The following KMT2A variants were observed in gnomAD, a reference collection of about 807,000 sequenced individuals.
KMT2A encodes histone-lysine N-methyltransferase 2A.
A neutral mutation model predicts 345.3 loss-of-function variants in KMT2A; 16 were observed. That is an observed-to-expected ratio of 0.05 (90% CI 0.03 to 0.07). The LOEUF (loss-of-function observed/expected upper bound fraction) is 0.07. Ranked by LOEUF, KMT2A falls within the 10% of genes least tolerant of loss-of-function variation. The pLI, the probability that KMT2A is intolerant of heterozygous loss-of-function variation, is 1.00. For synonymous variants in KMT2A, 1,599 were observed against 1,778.6 expected, an observed-to-expected ratio of 0.90 and a Z score of 2.54; for missense variants, 3,272 against 4,841.6, an observed-to-expected ratio of 0.68 and a Z score of 9.62.
chr11:118,444,433 G>C (rs1461011002), intron 1 of KMT2A, among the ~76,000 whole-genome samples: 1 of 152,186 alleles, frequency 6.6e-6, no homozygotes, highest in Non-Finnish European at 1.5e-5. Flanking sequence ...CTTTACAGAA[G>C]AAAGGGAGAA....
rs1244231738 is a variant in KMT2A at position 118,521,158 on chromosome 11, C to G, written c.11514-130C>G. 2 of 1,075,836 alleles carry G rather than the reference C, an allele frequency of 1.9e-6. No homozygotes were observed. Among genetic ancestry groups the G allele is most frequent in the Admixed American group, 2.3e-5 (1 of 43,118 alleles). The allele number at this position is 1,075,836 out of a possible 1,614,324, so 66.6% of individuals were successfully genotyped here. ...GTTAGATGGCCAAATCAAGTGGGTC[C>G]AAATTTTTATTTTCTCAAGTATATG... On this transcript the variant is annotated intron_variant, in intron 34 of 35. Transcript: ENST00000534358. The surrounding 1 kb of genome is among the most constrained non-coding windows in gnomAD (Gnocchi z 5.3).
rs1210451804 is a variant in KMT2A at position 118,503,732 on chromosome 11, T to C, written c.7840T>C (p.Ser2614Pro). ...PDGPKPQEDG[S>P]FKRRYPRRSA... The stretch of plus-strand genomic sequence containing the variant: ...TGGCCCCAAACCTCAGGAGGATGGC[T>C]CTTTTAAAAGGAGGTATCCCCGTCG... The change falls in exon 27 of 36, where the codon TCT becomes CCT. Residue 2614 changes from serine (S) to proline (P), a missense_variant. By Grantham distance (74) the Ser-to-Pro change is moderately conservative. Around this residue, in one of 27 missense-constraint regions of KMT2A, gnomAD observed 445 missense variants for 500.9 expected, o/e 0.89. Coordinates refer to ENST00000534358, the MANE Select transcript of KMT2A (RefSeq NM_001197104.2). The surrounding 1 kb of genome is among the most constrained non-coding windows in gnomAD (Gnocchi z 5.3). The C allele has an allele frequency of 6.2e-7, 1 of 1,614,040 alleles. No individual in the cohort carries two copies. Among genetic ancestry groups the C allele is most frequent in the Non-Finnish European group, 8.5e-7 (1 of 1,180,038 alleles).
In KMT2A at chr11:118,502,512, G is replaced by C. The variant is rs782109378; in HGVS notation, c.6620G>C (p.Arg2207Pro). 6.2e-7 allele frequency: 1 copy of C among 1,613,880 alleles called. No homozygotes were observed. The highest frequency in any genetic ancestry group is 8.5e-7 in the Non-Finnish European group (1 of 1,179,980). Reference sequence around the variant, plus strand: ...AGTACCTCTTCCTTATCACCCCAGCGGTCCAAACTCCGGATAATGTCTCCA... The same window carrying C: ...AGTACCTCTTCCTTATCACCCCAGCCGTCCAAACTCCGGATAATGTCTCCA... Reference protein sequence around the residue: ...RHSTSSLSPQRSKLRIMSPMR... With the variant: ...RHSTSSLSPQPSKLRIMSPMR... Residue 2207 changes from arginine (R) to proline (P), a missense_variant, in exon 27 of 36, where the codon CGG becomes CCG. This residue lies in a region of KMT2A where 445 missense variants were observed against 500.9 expected (regional missense o/e 0.89). Coordinates refer to ENST00000534358, the MANE Select transcript of KMT2A (RefSeq NM_001197104.2). The surrounding 1 kb of genome is among the most constrained non-coding windows in gnomAD (Gnocchi z 4.9).
chr11:118,472,471 A>G lies in KMT2A; in HGVS notation c.1312A>G (p.Ile438Val), dbSNP rs1433994975. The change falls in exon 3 of 36, where the codon ATT (isoleucine) becomes GTT (valine). Residue 438 changes from isoleucine (I) to valine (V), a missense_variant. Coordinates refer to ENST00000534358, the MANE Select transcript of KMT2A (RefSeq NM_001197104.2). Reference protein sequence around the residue: ...FIEDEDYDPPIKIARLESTPN... With the variant: ...FIEDEDYDPPVKIARLESTPN... The stretch of plus-strand genomic sequence containing the variant: ...AGAGGATGAGGATTATGACCCTCCA[A>G]TTAAAATTGCCCGATTAGAGTCTAC... 6.2e-7 allele frequency: 1 copy of G among 1,613,794 alleles called. No homozygotes were observed. Among genetic ancestry groups the G allele is most frequent in the East Asian group, 2.2e-5 (1 of 44,886 alleles).
At chr11:118,462,034 A>G (rs1949753525) in intron 1 of KMT2A, among the ~76,000 whole-genome samples, 1 of 152,008 alleles carries the variant, frequency 6.6e-6, no homozygotes, top group South Asian at 2.1e-4. Context: ...GCTCAATGCA[A>G]CCTCTGCCTC....
intron 29 of KMT2A, 24 bp from the exon 30 acceptor site, chr11:118,509,924 C>T (rs782585584): frequency 6.4e-7 from 1 of 1,563,252 alleles, no homozygotes; most frequent in East Asian, 2.3e-5. Flanking sequence ...TTACTGCAAC[C>T]ACTATCTATT....
Position 118,476,781 on chromosome 11 carries a change from GT to G in KMT2A, c.3157-19del, listed in dbSNP as rs2134282031. 1 of 1,587,270 alleles carries G rather than the reference GT, an allele frequency of 6.3e-7. No individual in the cohort carries two copies. The highest frequency in any genetic ancestry group is 8.6e-7 in the Non-Finnish European group (1 of 1,161,702). ...AATTTCAACATGTATGGTTGTTATT[GT>G]TTTTGGATTGCCTCATATTCAGGGT... On this transcript the variant is annotated intron_variant, in intron 3 of 35. Coordinates refer to ENST00000534358, the MANE Select transcript of KMT2A (RefSeq NM_001197104.2). This position sits in a 1 kb window ranked among gnomAD's most constrained non-coding sequence, Gnocchi z 4.1.
chr11:118,451,476 C>G (rs1402772802), intron 1 of KMT2A, among the ~76,000 whole-genome samples: 1 of 152,176 alleles, frequency 6.6e-6, no homozygotes, highest in African/African-American at 2.4e-5. Flanking sequence ...CAACCTCCAC[C>G]TCCTGGGCTC....
chr11:118,516,153 C>T (rs902746554), intron 31 of KMT2A, among the ~76,000 whole-genome samples: 1 of 152,132 alleles, frequency 6.6e-6, no homozygotes, highest in African/African-American at 2.4e-5. Flanking sequence ...TGTCCTTACC[C>T]TCATGCCCTT....
Position 118,482,055 on chromosome 11 carries a change from T to A in KMT2A, c.3975T>A (p.Ser1325Arg), listed in dbSNP as rs1036766225. Residue 1325 changes from serine to arginine, a missense_variant, in exon 7 of 36, where the codon AGT becomes AGA. This residue lies in a region of KMT2A where 168 missense variants were observed against 216.0 expected (regional missense o/e 0.78). Coordinates refer to ENST00000534358, the MANE Select transcript of KMT2A (RefSeq NM_001197104.2). ...AAGAAGTTCCCAAAACCACTCCTAG[T>A]GAGCCCAAGAAAAAGCAGCCTCCAC... ...PRKEVPKTTP[S>R]EPKKKQPPPP... is the part of the protein sequence containing the mutation. 2 of 1,612,044 alleles carry A rather than the reference T, an allele frequency of 1.2e-6. No homozygotes were observed. The highest frequency in any genetic ancestry group is 1.7e-6 in the Non-Finnish European group (2 of 1,179,392).
rs1326806249 is a variant in KMT2A, at chr11:118,510,540, C to T, written c.11071+422C>T. Among the ~76,000 whole-genome samples the T allele has an allele frequency of 1.3e-5, 2 of 152,134 alleles. No homozygotes were observed. Among genetic ancestry groups the T allele is most frequent in the Admixed American group, 1.3e-4 (2 of 15,280 alleles). ...CCCTTCAAGATCCAGCTCAGACGGT[C>T]TTCCCTGACCTTCTGAGGTAGCTAA... On this transcript the variant is annotated intron_variant, in intron 30 of 35. Coordinates refer to ENST00000534358, the MANE Select transcript of KMT2A (RefSeq NM_001197104.2). The surrounding 1 kb of genome is among the most constrained non-coding windows in gnomAD (Gnocchi z 4.1).
chr11:118,484,823 A>G lies in KMT2A; in HGVS notation c.4219-39A>G. 1 of 1,340,504 alleles carries G rather than the reference A, an allele frequency of 7.5e-7. No homozygotes were observed. The highest frequency in any genetic ancestry group is 1.2e-5 in the South Asian group (1 of 84,950). The allele number at this position is 1,340,504 out of a possible 1,614,324, so 83.0% of individuals were successfully genotyped here. ...CTTATTTTCCATCCAAAGTTGTGTA[A>G]TTGTAAAACTTTCCTAAGTGACCTT... On this transcript the variant is annotated intron_variant, in intron 9 of 35. Coordinates refer to ENST00000534358, the MANE Select transcript of KMT2A (RefSeq NM_001197104.2). This position sits in a 1 kb window ranked among gnomAD's most constrained non-coding sequence, Gnocchi z 4.1.
intron 5 of KMT2A, among the ~76,000 whole-genome samples, chr11:118,479,543 G>A (rs1193093092): frequency 2.6e-5 from 4 of 152,210 alleles, no homozygotes; most frequent in African/African-American, 9.6e-5. Flanking sequence ...CTGTGCTTTG[G>A]TTTGGTCTGA....
Position 118,503,923 on chromosome 11 carries a change from A to G in KMT2A, c.8031A>G (p.Ser2677=). 1 of 1,614,222 alleles carries G rather than the reference A, an allele frequency of 6.2e-7. No individual in the cohort carries two copies. The highest frequency in any genetic ancestry group is 1.3e-5 in the African/African-American group (1 of 75,064). ...QVDGADDLST[S]DEDDLYYYNF... Reference sequence around the variant, plus strand: ...ATGGGGCCGATGACTTAAGCACTTCAGATGAAGACGACTTATACTATTACA... The same window carrying G: ...ATGGGGCCGATGACTTAAGCACTTCGGATGAAGACGACTTATACTATTACA... The change falls in exon 27 of 36, where the codon TCA becomes TCG. Residue 2677 remains serine, a synonymous_variant. Coordinates refer to ENST00000534358, the MANE Select transcript of KMT2A (RefSeq NM_001197104.2). The surrounding 1 kb of genome is among the most constrained non-coding windows in gnomAD (Gnocchi z 5.3).
intron 5 of KMT2A, among the ~76,000 whole-genome samples, chr11:118,479,072 A>C (rs1360966518): frequency 6.6e-6 from 1 of 152,208 alleles, no homozygotes; most frequent in Non-Finnish European, 1.5e-5. Flanking sequence ...CATTCCCTTA[A>C]GCATTTATCC....
intron 31 of KMT2A, among the ~76,000 whole-genome samples, chr11:118,514,750 C>T (rs1555051164): frequency 5.9e-5 from 9 of 152,178 alleles, no homozygotes. Context: ...TCTCCTGCCT[C>T]AGCCTCCCGA....
chr11:118,504,821 C>G lies in KMT2A; in HGVS notation c.8929C>G (p.Pro2977Ala). The change falls in exon 27 of 36, where the codon CCA becomes GCA. Residue 2977 changes from proline (P) to alanine (A), a missense_variant. Transcript: ENST00000534358. This position sits in a 1 kb window ranked among gnomAD's most constrained non-coding sequence, Gnocchi z 6.4. ...ATCTGTAGCCTCCTCTGAAAGTGAC[C>G]CAGCACTGCTGAGCCCAGGAGTAGA... ...EKSVASSESD[P>A]ALLSPGVDPT... 1.2e-6 allele frequency: 2 copies of G among 1,614,080 alleles called. No homozygotes were observed. The highest frequency in any genetic ancestry group is 1.7e-6 in the Non-Finnish European group (2 of 1,180,002).
At position 118,473,126 on chromosome 11, in the gene KMT2A, T is replaced by C. The variant is rs1325665005; in HGVS notation, c.1967T>C (p.Leu656Pro). 7 of 1,614,068 alleles carry C rather than the reference T, an allele frequency of 4.3e-6. No homozygotes were observed. The highest frequency in any genetic ancestry group is 5.9e-6 in the Non-Finnish European group (7 of 1,180,038). Residue 656 changes from leucine to proline, a missense_variant, in exon 3 of 36, where the codon CTA becomes CCA. By Grantham distance (98) the Leu-to-Pro change is moderately conservative. Coordinates refer to ENST00000534358, the MANE Select transcript of KMT2A (RefSeq NM_001197104.2). This position sits in a 1 kb window ranked among gnomAD's most constrained non-coding sequence, Gnocchi z 5.2. The part of the protein sequence containing the change: ...PIFDNFRPPP[L>P]TPEDVGFASG... The stretch of plus-strand genomic sequence containing the variant: ...TTTGATAATTTCCGACCCCCTCCAC[T>C]AACTCCCGAGGACGTTGGCTTTGCA...
At chr11:118,460,090 G>A (rs1357931706) in intron 1 of KMT2A, among the ~76,000 whole-genome samples, 2 of 152,124 alleles carry the variant, frequency 1.3e-5, no homozygotes, top group Admixed American at 6.5e-5. Flanking sequence ...AATTTTATCA[G>A]ATCAGTGGTA....
Sources: gnomAD v4.1 joint callset for allele counts (sites outside exome capture counted in the v4.1 genomes callset) on GRCh38, gnomAD v4.1.1 for gene constraint, gnomAD v4.1.1 regional missense constraint, Gnocchi (gnomAD v3.1) non-coding constraint, MANE v1.5 for transcripts, NCBI Gene and HGNC (gene_info 2026-07-23, HGNC 2026-07-21) for gene names.